The following NINL variants were observed in gnomAD, a reference collection of about 807,000 sequenced individuals.
The protein encoded by NINL is ninein-like protein.
In NINL, 153 loss-of-function variants were observed where a neutral mutation model predicts 160.3. The ratio of observed to expected loss-of-function variants is 0.95; its 90% CI spans 0.84 to 1.09. The LOEUF is 1.09. Ranked by LOEUF, NINL falls within the 50% of genes least tolerant of loss-of-function variation. NINL has a pLI of 0.00. For synonymous variants in NINL, 800 were observed against 734.8 expected (o/e 1.09, Z -1.43); for missense variants, 1,829 against 1,764.0 (o/e 1.04, Z -0.66).
At chr20:25,539,135 A>G (rs1294810388) in intron 1 of NINL, among the ~76,000 whole-genome samples, 1 of 152,238 alleles carries the variant, frequency 6.6e-6, no homozygotes, top group East Asian at 1.9e-4. Context: ...ATTTCCCTGC[A>G]GCACAGTTGT....
intron 15 of NINL, 118 bp from the exon 16 acceptor site, chr20:25,479,324 T>G: frequency 1.5e-6 from 2 of 1,311,006 alleles, no homozygotes; most frequent in Non-Finnish European, 2.1e-6. Context: ...CATCCTGGCC[T>G]GCCGAGGTGC....
At position 25,476,484 on chromosome 20, in the gene NINL, G is replaced by T; in HGVS notation, c.2807C>A (p.Pro936His). 1 of 1,605,586 alleles carries T rather than the reference G, an allele frequency of 6.2e-7. No homozygotes were observed. ...CAGCAGAGGCAGCTCCCGGGCTCCA[G>T]GCTGCTCCAGCCCCGCTGCGCTCGC... Reference protein sequence around the residue: ...FGASAAGLEQPGARELPLLGT... With the variant: ...FGASAAGLEQHGARELPLLGT... The change falls in exon 17 of 24, where the codon CCT (proline) becomes CAT (histidine). Residue 936 changes from proline (P) to histidine (H), a missense_variant. By Grantham distance (77) the Pro-to-His change is moderately conservative. Coordinates refer to ENST00000278886, the MANE Select transcript of NINL (RefSeq NM_025176.6).
Position 25,476,829 on chromosome 20 carries a change from G to A in NINL, c.2462C>T (p.Ser821Phe). The A allele has an allele frequency of 6.8e-6, 11 of 1,613,296 alleles. No individual in the cohort carries two copies. Among genetic ancestry groups the A allele is most frequent in the Non-Finnish European group, 9.3e-6 (11 of 1,179,940 alleles). ...LARGKRVDGP[S>F]LEAEMQALPK... ...CAGGGCCTGCATCTCTGCTTCCAGG[G>A]AGGGCCCGTCCACTCGCTTCCCGCG... Residue 821 changes from serine (S) to phenylalanine (F), a missense_variant, in exon 17 of 24, where the codon TCC (serine) becomes TTC (phenylalanine). Coordinates refer to ENST00000278886, the MANE Select transcript of NINL (RefSeq NM_025176.6).
chr20:25,494,110 A>G (rs2063699283), intron 10 of NINL, among the ~76,000 whole-genome samples: 1 of 147,262 alleles, frequency 6.8e-6, no homozygotes, highest in Non-Finnish European at 1.5e-5. Context: ...GGTCCCATGC[A>G]CACAGTACCC....
chr20:25,491,534 T>C lies in NINL; in HGVS notation c.1311-9A>G, dbSNP rs897692336. The stretch of plus-strand genomic sequence containing the variant: ...ACCCCTGCTCCAGATGCCTGTAACA[T>C]GTCACACATCACACGTCAGACATGT... On this transcript the variant is annotated splice_polypyrimidine_tract_variant and intron_variant, in intron 10 of 23. Coordinates refer to ENST00000278886, the MANE Select transcript of NINL (RefSeq NM_025176.6). 1.2e-6 allele frequency: 2 copies of C among 1,612,324 alleles called. No homozygotes were observed. Among genetic ancestry groups the C allele is most frequent in the African/African-American group, 1.3e-5 (1 of 75,042 alleles).
intron 1 of NINL, chr20:25,539,961 C>T (rs989053084): frequency 2.0e-5 from 23 of 1,168,378 alleles, no homozygotes; most frequent in South Asian, 1.3e-4. Flanking sequence ...CCCAGGCCTG[C>T]GCAGGCGCCT....
At chr20:25,495,360 C>T (rs892438605) in intron 10 of NINL, among the ~76,000 whole-genome samples, 1 of 152,222 alleles carries the variant, frequency 6.6e-6, no homozygotes, top group Non-Finnish European at 1.5e-5. Flanking sequence ...TGGAGGGTGC[C>T]ACACCACGTG....
intron 17 of NINL, among the ~76,000 whole-genome samples, chr20:25,474,749 G>C (rs1297097797): frequency 6.6e-6 from 1 of 151,632 alleles, no homozygotes; most frequent in Non-Finnish European, 1.5e-5. Context: ...CAAGTAGCTG[G>C]GACTACAAGC....
rs747545691 is a variant in NINL, at chr20:25,477,035, G to A, written c.2256C>T (p.Pro752=). 13 of 1,599,202 alleles carry A rather than the reference G, an allele frequency of 8.1e-6. No individual in the cohort carries two copies. Among genetic ancestry groups the A allele is most frequent in the South Asian group, 4.4e-5 (4 of 90,932 alleles). Reference sequence around the variant, plus strand: ...GCTCCAAGGTCAGGTCTCTGCGAGCGGGCAGGGCTCCCAGCCCCGACAGCT... The same window carrying A: ...GCTCCAAGGTCAGGTCTCTGCGAGCAGGCAGGGCTCCCAGCCCCGACAGCT... ...SGELSGLGAL[P]ARRDLTLELE... is the part of the protein sequence containing the mutation. Residue 752 remains proline (P), a synonymous_variant, in exon 17 of 24, where the codon CCC becomes CCT. Coordinates refer to ENST00000278886, the MANE Select transcript of NINL (RefSeq NM_025176.6).
intron 19 of NINL, among the ~76,000 whole-genome samples, chr20:25,464,370 T>A (rs887076275): frequency 6.6e-6 from 1 of 152,076 alleles, no homozygotes; most frequent in Non-Finnish European, 1.5e-5. Context: ...TGAGCTGATA[T>A]TGCACCACTG....
chr20:25,494,380 C>A (rs960681173), intron 10 of NINL, among the ~76,000 whole-genome samples: 2 of 152,046 alleles, frequency 1.3e-5, no homozygotes, highest in African/African-American at 4.8e-5. Context: ...CCACATGGCA[C>A]CCCATGGGCC....
chr20:25,502,686 C>T (rs1457191707), intron 7 of NINL, among the ~76,000 whole-genome samples: 1 of 152,126 alleles, frequency 6.6e-6, no homozygotes, highest in Admixed American at 6.5e-5. Context: ...GTACTGACCT[C>T]ATGATAGTGA....
chr20:25,463,043 G>GA (rs1332000621), intron 19 of NINL, among the ~76,000 whole-genome samples: 1 of 152,138 alleles, frequency 6.6e-6, no homozygotes, highest in African/African-American at 2.4e-5. Flanking sequence ...TGCTCCTGAG[G>GA]AAATGTCTGG....
At chr20:25,513,441 A>T (rs1430485071) in intron 3 of NINL, among the ~76,000 whole-genome samples, 2 of 152,238 alleles carry the variant, frequency 1.3e-5, no homozygotes, top group African/African-American at 4.8e-5. Flanking sequence ...GCTGACAATA[A>T]CACAGGGTGA....
chr20:25,499,057 T>A, intron 8 of NINL: 1 of 985,434 alleles, frequency 1.0e-6, no homozygotes, highest in Non-Finnish European at 1.2e-6. Context: ...AACGCCCTGC[T>A]CAGGCCGGCG....
Position 25,526,538 on chromosome 20 carries a change from C to T in NINL, c.50G>A (p.Ser17Asn), listed in dbSNP as rs2064363763. 3 of 1,614,108 alleles carry T rather than the reference C, an allele frequency of 1.9e-6. No individual in the cohort carries two copies. In the African/African-American group the frequency reaches 4.0e-5, roughly 22 times the overall value. The change falls in exon 2 of 24, where the codon AGC becomes AAC. Residue 17 changes from serine (S) to asparagine (N), a missense_variant. Transcript: ENST00000278886. ...GCCAGTCCCCGTGGTGTCGCAGCTG[C>T]TGTAGACTTCCCTGAGCTGCGAGAC... ...HYVSQLREVY[S>N]SCDTTGTGFL...
At chr20:25,536,160 G>A (rs1196886876) in intron 1 of NINL, among the ~76,000 whole-genome samples, 2 of 152,184 alleles carry the variant, frequency 1.3e-5, no homozygotes, top group Non-Finnish European at 2.9e-5. Flanking sequence ...ACCTACCCAA[G>A]AGACTATATA....
intron 1 of NINL, among the ~76,000 whole-genome samples, chr20:25,537,797 C>CA (rs1432536395): frequency 1.3e-5 from 2 of 152,184 alleles, no homozygotes; most frequent in East Asian, 3.9e-4. Context: ...TGCCTCAGGA[C>CA]ACTGTCTCCT....
chr20:25,544,872 G>T (rs921138291), intron 1 of NINL, among the ~76,000 whole-genome samples: 1 of 152,212 alleles, frequency 6.6e-6, no homozygotes, highest in Non-Finnish European at 1.5e-5. Flanking sequence ...CCCTTGACAG[G>T]ATGAATGTTT....
Sources: gnomAD v4.1 joint callset for allele counts (sites outside exome capture counted in the v4.1 genomes callset) on GRCh38, gnomAD v4.1.1 for gene constraint, MANE v1.5 for transcripts, NCBI Gene and HGNC (gene_info 2026-07-23, HGNC 2026-07-21) for gene names.